The following MOGAT1 variants were observed in gnomAD, a reference collection of about 807,000 sequenced individuals.
MOGAT1 encodes 2-acylglycerol O-acyltransferase 1.
Under a neutral mutation model 31.4 loss-of-function variants are expected in MOGAT1, and 32 were observed. The ratio of observed to expected loss-of-function variants is 1.02; its 90% CI spans 0.77 to 1.37. The LOEUF is 1.37. Among genes scored for constraint, MOGAT1 ranks in the 40% most tolerant of loss-of-function variants. The pLI, the probability that MOGAT1 is intolerant of heterozygous loss-of-function variation, is 0.00. For missense variants in MOGAT1, 426 were observed against 402.0 expected (o/e 1.06, Z -0.51); for synonymous variants, 145 against 144.5 (o/e 1.00, Z -0.03).
chr2:222,705,132 G>A (rs1342416029), intron 5 of MOGAT1, among the ~76,000 whole-genome samples: 11 of 152,174 alleles, frequency 7.2e-5, no homozygotes, highest in Admixed American at 5.2e-4. Flanking sequence ...AACTTCTGAC[G>A]TTGCCATGGC....
At chr2:222,699,462 A>AGGAGATTT (rs964416535) in intron 5 of MOGAT1, 2 of 142,238 alleles carry the variant, frequency 1.4e-5, no homozygotes, top group African/African-American at 2.6e-5. Context: ...TCTGGGCTGG[A>AGGAGATTT]GGAGATTTGA....
At chr2:222,704,638 A>G (rs1262964984) in intron 5 of MOGAT1, among the ~76,000 whole-genome samples, 1 of 152,144 alleles carries the variant, frequency 6.6e-6, no homozygotes, top group Non-Finnish European at 1.5e-5. Flanking sequence ...AAAAAAAAAA[A>G]AGAGTATCCC....
chr2:222,694,290 G>A, intron 3 of MOGAT1, 72 bp from the exon 4 acceptor site: 1 of 1,338,618 alleles, frequency 7.5e-7, no homozygotes, highest in South Asian at 1.5e-5. Context: ...CTATTGTCAT[G>A]GAATATTATG....
chr2:222,682,905 C>T (rs1397447266), intron 1 of MOGAT1, among the ~76,000 whole-genome samples: 1 of 152,208 alleles, frequency 6.6e-6, no homozygotes, highest in African/African-American at 2.4e-5. Context: ...GTGGGTAAAT[C>T]CACAGAAACA....
At chr2:222,685,531 GC>G (rs1289427905) in intron 1 of MOGAT1, among the ~76,000 whole-genome samples, 1 of 151,230 alleles carries the variant, frequency 6.6e-6, no homozygotes, top group East Asian at 1.9e-4. Context: ...GAGATATGCA[GC>G]ATGTATAGAA....
chr2:222,695,926 T>C (rs965277558), intron 5 of MOGAT1, among the ~76,000 whole-genome samples: 3 of 152,124 alleles, frequency 2.0e-5, no homozygotes, highest in Non-Finnish European at 4.4e-5. Context: ...TTCCACTCTT[T>C]CCCCCGAGTC....
intron 5 of MOGAT1, among the ~76,000 whole-genome samples, chr2:222,696,841 A>G (rs572903578): frequency 6.6e-6 from 1 of 152,102 alleles, no homozygotes; most frequent in South Asian, 2.1e-4. Context: ...GGAGTTCGAG[A>G]CCAGACTGGC....
chr2:222,691,015 G>A (rs1692752358), intron 3 of MOGAT1, among the ~76,000 whole-genome samples: 1 of 152,108 alleles, frequency 6.6e-6, no homozygotes, highest in South Asian at 2.1e-4. Context: ...TTAAGAGCAG[G>A]TTTGGCAAAT....
rs560975649 is a variant in MOGAT1 at position 222,679,517 on chromosome 2, T to G, written c.94+7638T>G. ...TTTGTAGAAAACTAACTGAACTGAT[T>G]ACAGTACATATGTCCTAAAACCAAG... On this transcript the variant is annotated intron_variant, in intron 1 of 5. Transcript: ENST00000446656. Among the ~76,000 whole-genome samples the G allele has an allele frequency of 2.6e-5, 4 of 152,342 alleles. No homozygotes were observed. The Middle Eastern group carries it at 0.01, about 391-fold the overall frequency.
In MOGAT1 at chr2:222,694,458, C is replaced by T; in HGVS notation, c.575C>T (p.Ser192Leu). Residue 192 changes from serine to leucine, a missense_variant, in exon 4 of 6, where the codon TCA becomes TTA. By Grantham distance (145) the Ser-to-Leu change is moderately radical. Coordinates refer to ENST00000446656, the MANE Select transcript of MOGAT1 (RefSeq NM_058165.3). The stretch of plus-strand genomic sequence containing the variant: ...ATTGTCCTTGGGGGTGCAAAAGAAT[C>T]ACTGGATGCTCATCCTGGAAAGTTC... Reference protein sequence around the residue: ...SVIVLGGAKESLDAHPGKFTL... With the variant: ...SVIVLGGAKELLDAHPGKFTL... The T allele has an allele frequency of 1.9e-6, 3 of 1,613,862 alleles. No individual in the cohort carries two copies. The highest frequency in any genetic ancestry group is 2.5e-6 in the Non-Finnish European group (3 of 1,179,826).
intron 3 of MOGAT1, among the ~76,000 whole-genome samples, chr2:222,692,437 G>C (rs1692776902): frequency 6.6e-6 from 1 of 152,218 alleles, no homozygotes; most frequent in Admixed American, 6.5e-5. Context: ...GCTAAGAAAG[G>C]AGAATGTGGC....
chr2:222,673,440 G>A (rs781513670), intron 1 of MOGAT1, among the ~76,000 whole-genome samples: 2 of 151,414 alleles, frequency 1.3e-5, no homozygotes, highest in East Asian at 1.9e-4. Context: ...AACAACACAC[G>A]ACCTTATCTA....
intron 1 of MOGAT1, among the ~76,000 whole-genome samples, chr2:222,681,489 A>G (rs905316133): frequency 1.3e-5 from 2 of 152,210 alleles, no homozygotes; most frequent in Non-Finnish European, 2.9e-5. Context: ...TTCTGTCCCC[A>G]TGGTGTTGGG....
At chr2:222,709,679 C>A in intron 5 of MOGAT1, 57 bp from the exon 6 acceptor site, 1 of 1,518,908 alleles carries the variant, frequency 6.6e-7, no homozygotes, top group Non-Finnish European at 9.0e-7. Context: ...TTAGGGGCGG[C>A]GGTCTGTGGT....
intron 5 of MOGAT1, among the ~76,000 whole-genome samples, chr2:222,704,395 C>T (rs1483610751): frequency 6.6e-6 from 1 of 152,014 alleles, no homozygotes; most frequent in African/African-American, 2.4e-5. Context: ...GAGGCTGAGG[C>T]GGGTAGATCA....
intron 5 of MOGAT1, among the ~76,000 whole-genome samples, chr2:222,704,542 T>G (rs763297413): frequency 6.6e-6 from 1 of 151,440 alleles, no homozygotes; most frequent in African/African-American, 2.4e-5. Flanking sequence ...GAGAGTGGCG[T>G]GAACCCGGGA....
intron 1 of MOGAT1, among the ~76,000 whole-genome samples, chr2:222,687,113 C>CA (rs1177781176): frequency 0.038 from 847 of 22,420 alleles, 63 homozygotes; most frequent in East Asian, 0.089. Context: ...GACTCCATCT[C>CA]AAAAAAAAAA....
chr2:222,673,062 T>TA (rs1692445284), intron 1 of MOGAT1, among the ~76,000 whole-genome samples: 1 of 151,780 alleles, frequency 6.6e-6, no homozygotes, highest in Non-Finnish European at 1.5e-5. Context: ...TACAGGCATG[T>TA]GCCACCACAT....
chr2:222,708,251 T>C (rs1356564215), intron 5 of MOGAT1, among the ~76,000 whole-genome samples: 1 of 152,036 alleles, frequency 6.6e-6, no homozygotes, highest in Non-Finnish European at 1.5e-5. Flanking sequence ...GTCCGGCTAA[T>C]TTTTGTATTT....
Sources: allele counts gnomAD v4.1 joint callset (sites outside exome capture counted in the v4.1 genomes callset), GRCh38; gene constraint gnomAD v4.1.1; transcripts MANE v1.5; gene names NCBI Gene and HGNC (gene_info 2026-07-23, HGNC 2026-07-21).